OSMR: variants seen among roughly 807,000 people sequenced by gnomAD.
The protein encoded by OSMR is oncostatin M receptor, also known as oncostatin-M-specific receptor subunit beta.
In OSMR, 81 loss-of-function variants were observed where a neutral mutation model predicts 99.9. The observed-to-expected ratio is 0.81, with a 90% CI of 0.68 to 0.97. The LOEUF is 0.97. Among genes scored for constraint, OSMR ranks in the 50% least tolerant of loss-of-function variants. OSMR has a pLI of 0.00. For missense variants in OSMR, 1,099 were observed against 1,153.4 expected, an observed-to-expected ratio of 0.95 and a Z score of 0.68; for synonymous variants, 406 against 410.4, an observed-to-expected ratio of 0.99 and a Z score of 0.13.
intron 7 of OSMR, among the ~76,000 whole-genome samples, chr5:38,889,607 G>A (rs900038668): frequency 1.5e-4 from 23 of 151,946 alleles, no homozygotes; most frequent in Non-Finnish European, 2.9e-5. Context: ...CTATTTTGAA[G>A]TAATTGTCTT....
chr5:38,876,848 C>A (rs1230746011), intron 3 of OSMR, among the ~76,000 whole-genome samples: 4 of 152,220 alleles, frequency 2.6e-5, no homozygotes, highest in African/African-American at 9.6e-5. Flanking sequence ...AATGTTCCAT[C>A]CAACAAGGAG....
intron 1 of OSMR, among the ~76,000 whole-genome samples, chr5:38,857,110 G>A (rs1740915623): frequency 6.6e-6 from 1 of 152,090 alleles, no homozygotes; most frequent in Non-Finnish European, 1.5e-5. Flanking sequence ...TTAGTCTTAA[G>A]TTTTTCTGCC....
At chr5:38,853,112 C>A (rs1740557430) in intron 1 of OSMR, among the ~76,000 whole-genome samples, 1 of 152,148 alleles carries the variant, frequency 6.6e-6, no homozygotes, top group Non-Finnish European at 1.5e-5. Flanking sequence ...CACCCTCCCC[C>A]TACATCCTTA....
intron 1 of OSMR, among the ~76,000 whole-genome samples, chr5:38,855,413 C>T (rs1740761705): frequency 6.6e-6 from 1 of 152,130 alleles, no homozygotes; most frequent in South Asian, 2.1e-4. Context: ...ATGAAATAAG[C>T]ATCTTGAACT....
intron 7 of OSMR, among the ~76,000 whole-genome samples, chr5:38,894,646 T>C (rs1320343488): frequency 6.6e-6 from 1 of 152,038 alleles, no homozygotes; most frequent in East Asian, 1.9e-4. Flanking sequence ...AGAAGACTTA[T>C]TGATTCTAAA....
intron 15 of OSMR, among the ~76,000 whole-genome samples, chr5:38,927,047 C>T (rs956220785): frequency 2.6e-5 from 4 of 152,242 alleles, no homozygotes; most frequent in African/African-American, 4.8e-5. Context: ...CCAAAATGAT[C>T]TCCTTTGACT....
chr5:38,888,800 C>G (rs1210653934), intron 7 of OSMR, among the ~76,000 whole-genome samples: 1 of 152,110 alleles, frequency 6.6e-6, no homozygotes, highest in Non-Finnish European at 1.5e-5. Flanking sequence ...AAATATTTCT[C>G]TGGTCATTTT....
rs186480022 is a variant in OSMR, at chr5:38,853,429, G to A, written c.-14+7042G>A. Reference sequence around the variant, plus strand: ...AGAGGGGTTAAATCACTTGTCATTGGCCATATGGTTTTTAAGTACCAAAGT... The same window carrying A: ...AGAGGGGTTAAATCACTTGTCATTGACCATATGGTTTTTAAGTACCAAAGT... On this transcript the variant is annotated intron_variant, in intron 1 of 17. Coordinates refer to ENST00000274276, the MANE Select transcript of OSMR (RefSeq NM_003999.3). Among the ~76,000 whole-genome samples, 16 of 152,220 alleles carry A rather than the reference G, an allele frequency of 1.1e-4. No homozygotes were observed. In the East Asian group the frequency reaches 3.1e-3, roughly 29 times the overall value.
intron 11 of OSMR, chr5:38,919,438 T>C: frequency 4.9e-6 from 5 of 1,027,618 alleles, no homozygotes; most frequent in Non-Finnish European, 6.5e-6. Flanking sequence ...TTGTAAAAAG[T>C]GTTGTCAGTC....
intron 7 of OSMR, among the ~76,000 whole-genome samples, chr5:38,901,704 GT>G (rs1744903530): frequency 6.6e-6 from 1 of 152,198 alleles, no homozygotes; most frequent in African/African-American, 2.4e-5. Flanking sequence ...GTGCATGGAG[GT>G]TTTGGACATC....
intron 9 of OSMR, among the ~76,000 whole-genome samples, chr5:38,907,062 C>T (rs1243769968): frequency 2.6e-5 from 4 of 152,250 alleles, no homozygotes; most frequent in Non-Finnish European, 4.4e-5. Flanking sequence ...AGGAATCAGG[C>T]AAGAGAAACA....
intron 11 of OSMR, among the ~76,000 whole-genome samples, chr5:38,920,288 A>G (rs1460418445): frequency 6.6e-6 from 1 of 152,210 alleles, no homozygotes; most frequent in Non-Finnish European, 1.5e-5. Context: ...CTCATGTACT[A>G]TGAGAAAACC....
rs112539371 is a variant in OSMR, at chr5:38,944,619, T to C, written c.*86+300T>C. On this transcript the variant is annotated intron_variant and NMD_transcript_variant, in intron 2 of 2. Transcript: ENST00000508882. ...AAATATTATCTATGTCACAATAAAATGATTAAAACTCATGAAATTTATTTT... is the reference window on the plus strand; with the variant it reads ...AAATATTATCTATGTCACAATAAAACGATTAAAACTCATGAAATTTATTTT... The C allele has an allele frequency of 9.0e-3, 12,967 of 1,445,504 alleles. 77 individuals are homozygous for C. The highest frequency in any genetic ancestry group is 0.017 in the Middle Eastern group (96 of 5,492). The allele number at this position is 1,445,504 out of a possible 1,614,324, so 89.5% of individuals were successfully genotyped here.
At chr5:38,928,651 G>A (rs900384696) in intron 15 of OSMR, among the ~76,000 whole-genome samples, 2 of 152,066 alleles carry the variant, frequency 1.3e-5, no homozygotes, top group Non-Finnish European at 2.9e-5. Context: ...GGGATTATGG[G>A]AGCTACAATT....
At chr5:38,900,973 T>C (rs1744852054) in intron 7 of OSMR, among the ~76,000 whole-genome samples, 1 of 152,240 alleles carries the variant, frequency 6.6e-6, no homozygotes, top group African/African-American at 2.4e-5. Flanking sequence ...ATAATTCTTG[T>C]CCCACACAGA....
At chr5:38,848,269 GA>G (rs1017733371) in intron 1 of OSMR, among the ~76,000 whole-genome samples, 7 of 152,102 alleles carry the variant, frequency 4.6e-5, no homozygotes, top group Middle Eastern at 3.4e-3. Flanking sequence ...AAAATGGGGG[GA>G]AAAAAACCCA....
chr5:38,870,724 G>C (rs1320831569), intron 2 of OSMR, among the ~76,000 whole-genome samples: 2 of 152,216 alleles, frequency 1.3e-5, no homozygotes, highest in African/African-American at 2.4e-5. Flanking sequence ...TTAAAGCAGG[G>C]GGCCTATGCA....
chr5:38,929,502 A>G (rs777787682), intron 15 of OSMR, among the ~76,000 whole-genome samples: 35 of 152,222 alleles, frequency 2.3e-4, no homozygotes, highest in Admixed American at 2.6e-4. Context: ...ATTATGTTCC[A>G]AAAGTTTGTG....
intron 2 of OSMR, among the ~76,000 whole-genome samples, chr5:38,870,984 T>C (rs1566619): frequency 0.27 from 41,341 of 152,070 alleles, 6,039 homozygotes; most frequent in East Asian, 0.59. Flanking sequence ...TGAACTTGCC[T>C]TGTAGGGAGT....
Sources: allele counts gnomAD v4.1 joint callset (sites outside exome capture counted in the v4.1 genomes callset), GRCh38; gene constraint gnomAD v4.1.1; transcripts MANE v1.5; gene names NCBI Gene and HGNC (gene_info 2026-07-23, HGNC 2026-07-21).